The following TRIQK variants were observed in gnomAD, a reference collection of about 807,000 sequenced individuals.
TRIQK encodes the protein triple QxxK/R motif-containing protein.
In TRIQK, 10 loss-of-function variants were observed where a neutral mutation model predicts 10.8. The observed-to-expected ratio is 0.92, with a 90% CI of 0.57 to 1.57. The LOEUF (loss-of-function observed/expected upper bound fraction) is 1.57. Among genes scored for constraint, TRIQK ranks in the 40% most tolerant of loss-of-function variants. The pLI is 0.00. For missense variants in TRIQK, 107 were observed against 97.7 expected (o/e 1.09, Z -0.40); for synonymous variants, 33 against 33.7 (o/e 0.98, Z 0.07).
intron 2 of TRIQK, among the ~76,000 whole-genome samples, chr8:92,936,621 A>C (rs1331963371): frequency 6.6e-6 from 1 of 151,736 alleles, no homozygotes; most frequent in Non-Finnish European, 1.5e-5. Flanking sequence ...TAAGCAAGAC[A>C]AAGACATTGC....
At chr8:93,001,491 A>T (rs1431768262) in intron 1 of TRIQK, among the ~76,000 whole-genome samples, 2 of 152,224 alleles carry the variant, frequency 1.3e-5, no homozygotes, top group African/African-American at 4.8e-5. Context: ...AGCTAAATTT[A>T]TACCAGATAA....
At chr8:92,914,716 G>A (rs538396832) in intron 3 of TRIQK, among the ~76,000 whole-genome samples, 11 of 152,162 alleles carry the variant, frequency 7.2e-5, no homozygotes, top group African/African-American at 2.6e-4. Flanking sequence ...GTGTTAGGAT[G>A]ACTATGTTAA....
chr8:92,890,268 T>C (rs953486187), intron 4 of TRIQK, among the ~76,000 whole-genome samples: 1 of 151,782 alleles, frequency 6.6e-6, no homozygotes, highest in Admixed American at 6.6e-5. Context: ...ATCATCTTAA[T>C]AGGCTCTCCA....
Position 92,886,458 on chromosome 8 carries a change from G to C in TRIQK, c.*164C>G. The C allele has an allele frequency of 1.9e-6, 1 of 527,836 alleles. No individual in the cohort carries two copies. The highest frequency in any genetic ancestry group is 3.4e-6 in the Non-Finnish European group (1 of 297,746). 32.7% of individuals were successfully genotyped at this position (527,836 alleles called of 1,614,324 possible). ...ATACTATACTGCATTGCTAGGTAAGGTTCTTTTCCTGACATCCTATGCAAC... is the reference window on the plus strand; with the variant it reads ...ATACTATACTGCATTGCTAGGTAAGCTTCTTTTCCTGACATCCTATGCAAC... On this transcript the variant is annotated 3_prime_UTR_variant, in exon 5 of 5. Coordinates refer to ENST00000521988, the MANE Select transcript of TRIQK (RefSeq NM_001171797.2).
rs554982075 is a variant in TRIQK, at chr8:93,002,032, CAATGAAGAAATTCTAAAAAAAATT to C, written c.-181+15553_-181+15576del. Among the ~76,000 whole-genome samples, 211 of 152,006 alleles carry C rather than the reference CAATGAAGAAATTCTAAAAAAAATT, an allele frequency of 1.4e-3. 1 individual carries two copies. The highest frequency in any genetic ancestry group is 6.8e-3 in the Middle Eastern group (2 of 294). On this transcript the variant is annotated intron_variant, in intron 1 of 4. Transcript: ENST00000520686. ...AGCAACATGTTCCTGACCAAGGAGT[CAATGAAGAAATTCTAAAAAAAATT>C]TAAACTTTTTTTCAGACAAATGGAA...
chr8:93,016,808 G>A (rs1045273600), intron 1 of TRIQK, among the ~76,000 whole-genome samples: 2 of 152,152 alleles, frequency 1.3e-5, no homozygotes, highest in African/African-American at 4.8e-5. Context: ...AGCTGGGTAG[G>A]TAGCACATCA....
chr8:92,987,059 T>C (rs757222259), intron 1 of TRIQK, among the ~76,000 whole-genome samples: 2 of 152,234 alleles, frequency 1.3e-5, no homozygotes, highest in African/African-American at 2.4e-5. Context: ...TAATTTGAAA[T>C]GTAAATTGTC....
chr8:92,976,131 T>G (rs555559053), intron 1 of TRIQK, among the ~76,000 whole-genome samples: 1 of 152,132 alleles, frequency 6.6e-6, no homozygotes, highest in African/African-American at 2.4e-5. Flanking sequence ...CACATTCTGC[T>G]TTACTTCAAT....
At chr8:93,002,951 GAAGAGAATACTTCC>G (rs1813229058) in intron 1 of TRIQK, among the ~76,000 whole-genome samples, 2 of 149,198 alleles carry the variant, frequency 1.3e-5, no homozygotes, top group African/African-American at 4.9e-5. Context: ...TAATTGAAAA[GAAGAGAATACTTCC>G]AAGCTCATTC....
chr8:92,952,181 A>C (rs1346856925), intron 2 of TRIQK, among the ~76,000 whole-genome samples: 1 of 152,072 alleles, frequency 6.6e-6, no homozygotes, highest in Non-Finnish European at 1.5e-5. Flanking sequence ...AATATGATTA[A>C]TATGCCAAGG....
intron 2 of TRIQK, among the ~76,000 whole-genome samples, chr8:92,939,527 C>T (rs1209418613): frequency 1.3e-5 from 2 of 152,100 alleles, no homozygotes; most frequent in Non-Finnish European, 2.9e-5. Flanking sequence ...TGGCTTTGCC[C>T]AGGAAGGTAA....
chr8:92,967,448 C>T (rs1215516210), upstream of TRIQK, among the ~76,000 whole-genome samples: 2 of 152,138 alleles, frequency 1.3e-5, no homozygotes, highest in South Asian at 2.1e-4. Context: ...CTTCTGAAAG[C>T]TTGCTAAATG....
In TRIQK at chr8:92,886,486, T is replaced by C; in HGVS notation, c.*136A>G. ...CTTTTCCTGACATCCTATGCAACTATCAAAAATCATATGTCTGCAAACTGA... is the reference window on the plus strand; with the variant it reads ...CTTTTCCTGACATCCTATGCAACTACCAAAAATCATATGTCTGCAAACTGA... On this transcript the variant is annotated 3_prime_UTR_variant, in exon 5 of 5. Transcript: ENST00000521988. 1 of 582,292 alleles carries C rather than the reference T, an allele frequency of 1.7e-6. No individual in the cohort carries two copies. The highest frequency in any genetic ancestry group is 3.0e-6 in the Non-Finnish European group (1 of 335,898). The allele number at this position is 582,292 out of a possible 1,614,324, so 36.1% of individuals were successfully genotyped here. A position where few individuals can be genotyped will look rare whatever the true frequency, so the allele number is the denominator to read the frequency against.
chr8:92,918,265 T>C (rs1427201084), intron 2 of TRIQK, among the ~76,000 whole-genome samples: 2 of 152,048 alleles, frequency 1.3e-5, no homozygotes, highest in Admixed American at 6.6e-5. Flanking sequence ...GATCATATGG[T>C]AGTTCTATTT....
chr8:92,984,427 C>A (rs1437406212), intron 1 of TRIQK, among the ~76,000 whole-genome samples: 3 of 152,016 alleles, frequency 2.0e-5, no homozygotes, highest in Non-Finnish European at 2.9e-5. Flanking sequence ...AAAAGTGTTT[C>A]TAGAGGTCAA....
intron 3 of TRIQK, among the ~76,000 whole-genome samples, chr8:92,900,916 A>G (rs62520786): frequency 0.06 from 9,077 of 151,954 alleles, 496 homozygotes; most frequent in African/African-American, 0.15. Context: ...TCAAATTTTT[A>G]TCATTGTTTT....
At chr8:92,995,265 T>C (rs1421626487) in intron 1 of TRIQK, among the ~76,000 whole-genome samples, 2 of 152,126 alleles carry the variant, frequency 1.3e-5, no homozygotes, top group African/African-American at 4.8e-5. Flanking sequence ...TTACCAGTGC[T>C]ATGAATAAGT....
At chr8:92,933,613 CAGTGTT>C (rs1204708487) in intron 2 of TRIQK, among the ~76,000 whole-genome samples, 1 of 151,980 alleles carries the variant, frequency 6.6e-6, no homozygotes, top group African/African-American at 2.4e-5. Context: ...AGAATAAAAC[CAGTGTT>C]CTTTGAAGAT....
chr8:92,944,505 A>T (rs1811423052), intron 2 of TRIQK, among the ~76,000 whole-genome samples: 1 of 152,186 alleles, frequency 6.6e-6, no homozygotes, highest in Non-Finnish European at 1.5e-5. Context: ...AAGCATATAT[A>T]TGGAATGAAA....
Sources: gnomAD v4.1 joint callset for allele counts (sites outside exome capture counted in the v4.1 genomes callset) on GRCh38, gnomAD v4.1.1 for gene constraint, MANE v1.5 for transcripts, NCBI Gene and HGNC (gene_info 2026-07-23, HGNC 2026-07-21) for gene names.